CYRIB: variants seen among roughly 807,000 people sequenced by gnomAD.
The protein encoded by CYRIB is CYFIP-related Rac1 interactor B.
Under a neutral mutation model 44.2 loss-of-function variants are expected in CYRIB, and 8 were observed. The ratio of observed to expected loss-of-function variants is 0.18; its 90% CI spans 0.11 to 0.33. The LOEUF is 0.33. CYRIB is among the 10% of genes least tolerant of loss of function. The probability of loss-of-function intolerance (pLI) is 1.00; values close to 1 mark genes in which losing one functional copy is unlikely to be tolerated. For synonymous variants in CYRIB, 131 were observed against 127.2 expected (o/e 1.03, Z -0.20); for missense variants, 185 against 382.8 (o/e 0.48, Z 4.31).
At chr8:129,968,781 G>T (rs2095581968) in intron 2 of CYRIB, among the ~76,000 whole-genome samples, 1 of 152,108 alleles carries the variant, frequency 6.6e-6, no homozygotes, top group African/African-American at 2.4e-5. Flanking sequence ...TTCCAGTCAA[G>T]TCAAGCTTCC....
intron 1 of CYRIB, among the ~76,000 whole-genome samples, chr8:130,010,180 T>C (rs377040004): frequency 4.6e-5 from 7 of 152,226 alleles, no homozygotes; most frequent in South Asian, 2.1e-4. Context: ...TTTTCCCACA[T>C]TGGGCCTTCT....
rs962051603 is a variant in CYRIB at position 129,929,565 on chromosome 8, T to G, written c.-50+10043A>C. The stretch of plus-strand genomic sequence containing the variant: ...TAAAAAGATGGTGAAAAAAACTTAG[T>G]ATATAATTATGTTTACTGAAGGAAT... On this transcript the variant is annotated intron_variant, in intron 1 of 11. Transcript: ENST00000519824. Among the ~76,000 whole-genome samples, 5 of 152,214 alleles carry G rather than the reference T, an allele frequency of 3.3e-5. No homozygotes were observed. In the East Asian group the frequency reaches 7.7e-4, roughly 23 times the overall value.
intron 5 of CYRIB, among the ~76,000 whole-genome samples, chr8:129,861,775 G>C (rs781453437): frequency 3.3e-5 from 5 of 152,076 alleles, no homozygotes; most frequent in Admixed American, 6.6e-5. Flanking sequence ...TACAGTTTTA[G>C]ATACATGAAT....
At chr8:129,959,077 A>C (rs1315561897) in intron 2 of CYRIB, among the ~76,000 whole-genome samples, 1 of 150,032 alleles carries the variant, frequency 6.7e-6, no homozygotes, top group Admixed American at 6.7e-5. Context: ...AAAAAAAAAA[A>C]AAAAAAACAA....
chr8:129,942,235 A>G (rs1384285201), upstream of CYRIB, among the ~76,000 whole-genome samples: 1 of 152,224 alleles, frequency 6.6e-6, no homozygotes, highest in Non-Finnish European at 1.5e-5. Flanking sequence ...ACTACTCAGG[A>G]GGCTGAGGCA....
At chr8:129,963,845 T>A (rs992924465) in intron 2 of CYRIB, among the ~76,000 whole-genome samples, 1 of 152,246 alleles carries the variant, frequency 6.6e-6, no homozygotes, top group African/African-American at 2.4e-5. Context: ...TCTTAAATAC[T>A]ACCCAGGTCA....
intron 2 of CYRIB, among the ~76,000 whole-genome samples, chr8:129,899,935 T>C (rs1175008172): frequency 6.6e-6 from 1 of 152,192 alleles, no homozygotes; most frequent in Non-Finnish European, 1.5e-5. Flanking sequence ...GAGAACACTC[T>C]CTTCACAGCC....
intron 11 of CYRIB, 89 bp from the exon 14 acceptor site, chr8:129,842,294 G>T: frequency 5.3e-6 from 5 of 938,794 alleles, no homozygotes; most frequent in Admixed American, 2.1e-5. Context: ...TGGAGAATTG[G>T]TCTCAGCAAA....
In CYRIB at chr8:130,006,672, A is replaced by ACG. The variant is rs1564802155; in HGVS notation, c.-296+9697_-296+9698insCG. Reference sequence around the variant, plus strand: ...TATACATATATATATGTATATATATATGTATATATATACACACATATATCT... The same window carrying ACG: ...TATACATATATATATGTATATATATACGTGTATATATATACACACATATATCT... On this transcript the variant is annotated intron_variant, in intron 1 of 14. Coordinates refer to the CYRIB transcript ENST00000401979. Among the ~76,000 whole-genome samples, 55 of 114,882 alleles carry ACG rather than the reference A, an allele frequency of 4.8e-4. 2 individuals carry two copies. The highest frequency in any genetic ancestry group is 8.8e-4 in the Non-Finnish European group (48 of 54,648). The allele number at this position is 114,882 out of a possible 152,430, so 75.4% of individuals were successfully genotyped here.
At chr8:129,911,117 A>G (rs1355639172) in intron 1 of CYRIB, among the ~76,000 whole-genome samples, 3 of 152,242 alleles carry the variant, frequency 2.0e-5, no homozygotes, top group African/African-American at 7.2e-5. Flanking sequence ...AAATGTATAA[A>G]GTGAGGTACA....
intron 2 of CYRIB, among the ~76,000 whole-genome samples, chr8:129,895,798 G>A (rs1246487981): frequency 1.3e-5 from 2 of 152,112 alleles, no homozygotes; most frequent in East Asian, 1.9e-4. Flanking sequence ...GAACTCCTAG[G>A]CTCAAGGAAA....
At chr8:130,008,160 G>T (rs1459147826) in intron 1 of CYRIB, among the ~76,000 whole-genome samples, 3 of 152,180 alleles carry the variant, frequency 2.0e-5, no homozygotes, top group Non-Finnish European at 4.4e-5. Context: ...AGTGAGCCGA[G>T]ATCGTGCCAC....
At position 129,892,134 on chromosome 8, in the gene CYRIB, G is replaced by T. The variant is rs565855874; in HGVS notation, c.-11+11178C>A. On this transcript the variant is annotated intron_variant, in intron 2 of 11. Transcript: ENST00000519824. ...AGAGCCACATATTTAGACCATGAAA[G>T]CACAGAAACACATCCTGCTACAATG... Among the ~76,000 whole-genome samples, 26 of 152,244 alleles carry T rather than the reference G, an allele frequency of 1.7e-4. No homozygotes were observed. The South Asian group carries it at 5.4e-3, about 32-fold the overall frequency.
chr8:130,016,317 G>GGC (rs1370499658), intron 1 of CYRIB, 53 bp downstream of exon 1: 27 of 147,124 alleles, frequency 1.8e-4, no homozygotes, highest in Admixed American at 7.4e-4. Context: ...CGGATCCAGG[G>GGC]GCGCGCGCGC....
intron 1 of CYRIB, among the ~76,000 whole-genome samples, chr8:130,000,155 A>G (rs2096876425): frequency 6.6e-6 from 1 of 152,154 alleles, no homozygotes; most frequent in Non-Finnish European, 1.5e-5. Flanking sequence ...ACAGCACCTG[A>G]CTTACTTATC....
chr8:129,945,191 G>C (rs374018120), intron 2 of CYRIB, among the ~76,000 whole-genome samples: 13 of 152,238 alleles, frequency 8.5e-5, no homozygotes, highest in East Asian at 7.7e-4. Flanking sequence ...TCCATGGGGA[G>C]CCTGAGGTCC....
At chr8:129,990,494 A>T (rs1023312813) in intron 1 of CYRIB, among the ~76,000 whole-genome samples, 2 of 125,070 alleles carry the variant, frequency 1.6e-5, no homozygotes, top group African/African-American at 6.7e-5. Context: ...GTGTGTGTGT[A>T]TGCGTGTGTG....
intron 1 of CYRIB, among the ~76,000 whole-genome samples, chr8:129,979,955 C>G (rs1282011100): frequency 6.6e-6 from 1 of 151,760 alleles, no homozygotes; most frequent in Non-Finnish European, 1.5e-5. Flanking sequence ...ATTATCATTT[C>G]CCTTTAAACT....
At chr8:130,014,179 C>G (rs1017643654) in intron 1 of CYRIB, among the ~76,000 whole-genome samples, 1 of 152,194 alleles carries the variant, frequency 6.6e-6, no homozygotes, top group African/African-American at 2.4e-5. Context: ...GTGGCTCACA[C>G]CTGTAATCCC....
Sources: gnomAD v4.1 joint callset for allele counts (sites outside exome capture counted in the v4.1 genomes callset) on GRCh38, gnomAD v4.1.1 for gene constraint, MANE v1.5 for transcripts, NCBI Gene and HGNC (gene_info 2026-07-23, HGNC 2026-07-21) for gene names.